The following PIK3R1 variants were observed in gnomAD, a reference collection of about 807,000 sequenced individuals.
The protein encoded by PIK3R1 is phosphatidylinositol 3-kinase regulatory subunit alpha.
In PIK3R1, 29 loss-of-function variants were observed where a neutral mutation model predicts 98.0. The ratio of observed to expected loss-of-function variants is 0.30; its 90% CI spans 0.22 to 0.40. PIK3R1 has a LOEUF of 0.40. Ranked by LOEUF, PIK3R1 falls within the 10% of genes least tolerant of loss-of-function variation. The probability of loss-of-function intolerance (pLI) is 1.00; values close to 1 mark genes in which losing one functional copy is unlikely to be tolerated. For missense variants in PIK3R1, 596 were observed against 872.7 expected, an observed-to-expected ratio of 0.68 and a Z score of 3.99; for synonymous variants, 282 against 311.8, an observed-to-expected ratio of 0.90 and a Z score of 1.01.
intron 7 of PIK3R1, chr5:68,290,911 C>A: frequency 2.2e-6 from 2 of 897,302 alleles, no homozygotes; most frequent in South Asian, 1.9e-5. Flanking sequence ...TGTAAAAGAT[C>A]CTTTTTGGAT....
At chr5:68,293,521 T>C in intron 10 of PIK3R1, 38 bp downstream of exon 10, 1 of 1,499,718 alleles carries the variant, frequency 6.7e-7, no homozygotes, top group Non-Finnish European at 9.2e-7. Flanking sequence ...TTACGATGTT[T>C]AGACAAGATC....
chr5:68,275,081 C>G (rs1321593464), intron 4 of PIK3R1, among the ~76,000 whole-genome samples: 1 of 152,146 alleles, frequency 6.6e-6, no homozygotes, highest in Non-Finnish European at 1.5e-5. Flanking sequence ...GGAGACTAGA[C>G]CTTTATCAGT....
chr5:68,256,758 G>A (rs1010836182), intron 2 of PIK3R1, among the ~76,000 whole-genome samples: 1 of 151,014 alleles, frequency 6.6e-6, no homozygotes, highest in African/African-American at 2.4e-5. Flanking sequence ...ATAATGCCAA[G>A]CTGGGTTAAA....
At chr5:68,279,776 A>T in intron 5 of PIK3R1, 43 bp downstream of exon 5, 1 of 1,596,262 alleles carries the variant, frequency 6.3e-7, no homozygotes, top group Non-Finnish European at 8.6e-7. Context: ...ACATACATGG[A>T]GATGTAGAGG....
At chr5:68,235,284 TC>T in intron 2 of PIK3R1, among the ~76,000 whole-genome samples, 1 of 152,116 alleles carries the variant, frequency 6.6e-6, no homozygotes, top group East Asian at 1.9e-4. Flanking sequence ...ATGCCTGTAA[TC>T]CCAGCTACTA....
At position 68,297,583 on chromosome 5, in the gene PIK3R1, T is replaced by C. The variant is rs766616451; in HGVS notation, c.2157T>C (p.Tyr719=). ...ATGTCACACTAGCCTACCCAGTATA[T>C]GCACAGCAGAGGCGATGAAGCGCTT... ...SLNVTLAYPV[Y]AQQRR is the part of the protein sequence containing the mutation. Residue 719 remains tyrosine, a synonymous_variant, in exon 16 of 16, where the codon TAT becomes TAC. Coordinates refer to ENST00000521381, the MANE Select transcript of PIK3R1 (RefSeq NM_181523.3). 1.2e-6 allele frequency: 2 copies of C among 1,614,044 alleles called. No homozygotes were observed. The highest frequency in any genetic ancestry group is 1.7e-6 in the Non-Finnish European group (2 of 1,179,938).
At chr5:68,283,795 A>C (rs953604942) in intron 7 of PIK3R1, among the ~76,000 whole-genome samples, 1 of 152,022 alleles carries the variant, frequency 6.6e-6, no homozygotes, top group Non-Finnish European at 1.5e-5. Context: ...CGCCTCCTAC[A>C]CTCCAGCCCA....
At chr5:68,292,418 C>T (rs1444314607) in intron 8 of PIK3R1, 57 bp downstream of exon 8, 2 of 1,495,912 alleles carry the variant, frequency 1.3e-6, no homozygotes, top group Non-Finnish European at 1.9e-6. Flanking sequence ...AAGAAAAGCA[C>T]CAGCTTGCTA....
intron 5 of PIK3R1, chr5:68,280,240 A>C: frequency 4.5e-6 from 2 of 446,810 alleles, no homozygotes; most frequent in Non-Finnish European, 7.9e-6. Context: ...TTAGCCAATC[A>C]CACTTGAAGC....
intron 2 of PIK3R1, among the ~76,000 whole-genome samples, chr5:68,257,864 C>T (rs1745584083): frequency 6.6e-6 from 1 of 152,104 alleles, no homozygotes; most frequent in South Asian, 2.1e-4. Flanking sequence ...TGATTCAGTA[C>T]CTTTTAGCTA....
chr5:68,276,562 A>G (rs887565221), intron 4 of PIK3R1, among the ~76,000 whole-genome samples: 2 of 152,194 alleles, frequency 1.3e-5, no homozygotes, highest in African/African-American at 4.8e-5. Flanking sequence ...CCAGACCTAA[A>G]GATTATGTAG....
At chr5:68,241,595 C>G (rs1744876375) in intron 2 of PIK3R1, among the ~76,000 whole-genome samples, 1 of 152,152 alleles carries the variant, frequency 6.6e-6, no homozygotes. Flanking sequence ...CTCTACCTAC[C>G]TAATCTCACT....
chr5:68,281,097 A>C (rs1746814545), intron 7 of PIK3R1, 91 bp downstream of exon 7: 1 of 774,918 alleles, frequency 1.3e-6, no homozygotes, highest in African/African-American at 1.7e-5. Flanking sequence ...GAAGTAACAC[A>C]GCTTCTTATG....
At chr5:68,246,612 C>T (rs1160630145) in intron 2 of PIK3R1, among the ~76,000 whole-genome samples, 2 of 152,160 alleles carry the variant, frequency 1.3e-5, no homozygotes, top group East Asian at 1.9e-4. Flanking sequence ...CGCGCCCGTC[C>T]ATGTGTGTCT....
intron 2 of PIK3R1, among the ~76,000 whole-genome samples, chr5:68,238,710 A>AT (rs1744762099): frequency 6.6e-6 from 1 of 152,160 alleles, no homozygotes; most frequent in Non-Finnish European, 1.5e-5. Flanking sequence ...GAGGGAGAAG[A>AT]TATATAGAGA....
At chr5:68,261,865 T>C (rs1374515798) in intron 2 of PIK3R1, among the ~76,000 whole-genome samples, 14 of 152,048 alleles carry the variant, frequency 9.2e-5, no homozygotes. Flanking sequence ...ATGTACAAAC[T>C]CCCTCCCGTG....
rs1289880098 is a variant in PIK3R1, at chr5:68,295,442, C to T, written c.1768C>T (p.Arg590Trp). The part of the protein sequence containing the change: ...YLMWLTQKGV[R>W]QKKLNEWLGN... Reference sequence around the variant, plus strand: ...CAGGTGGTTGACTCAAAAAGGTGTTCGGCAAAAGAAGTTGAACGAGTGGTT... The same window carrying T: ...CAGGTGGTTGACTCAAAAAGGTGTTTGGCAAAAGAAGTTGAACGAGTGGTT... The change falls in exon 14 of 16, where the codon CGG becomes TGG. Residue 590 changes from arginine to tryptophan, a missense_variant. Physicochemically the swap from Arg to Trp is moderately radical, Grantham distance 101 (BLOSUM62 -3). Coordinates refer to ENST00000521381, the MANE Select transcript of PIK3R1 (RefSeq NM_181523.3). 4.3e-6 allele frequency: 7 copies of T among 1,614,034 alleles called. No individual in the cohort carries two copies. The highest frequency in any genetic ancestry group is 1.1e-5 in the South Asian group (1 of 91,048).
chr5:68,285,939 G>A (rs1425290154), intron 7 of PIK3R1, among the ~76,000 whole-genome samples: 2 of 152,176 alleles, frequency 1.3e-5, no homozygotes, highest in African/African-American at 4.8e-5. Context: ...TTTACCCTTA[G>A]ATGAAGATTT....
intron 2 of PIK3R1, among the ~76,000 whole-genome samples, chr5:68,268,240 C>T (rs763712947): frequency 2.6e-5 from 4 of 152,186 alleles, no homozygotes; most frequent in Non-Finnish European, 5.9e-5. Context: ...GGCTTTAAAG[C>T]TCTGCTTCTA....
Sources: allele counts gnomAD v4.1 joint callset (sites outside exome capture counted in the v4.1 genomes callset), GRCh38; gene constraint gnomAD v4.1.1; transcripts MANE v1.5; gene names NCBI Gene and HGNC (gene_info 2026-07-23, HGNC 2026-07-21).